MRPS25: variants seen among roughly 807,000 people sequenced by gnomAD.
The protein encoded by MRPS25 is mitochondrial ribosomal protein S25, also known as small ribosomal subunit protein mS25.
A neutral mutation model predicts 17.3 loss-of-function variants in MRPS25; 15 were observed. The ratio of observed to expected loss-of-function variants is 0.87; its 90% confidence interval spans 0.58 to 1.34. The LOEUF is 1.34. Among genes scored for constraint, MRPS25 ranks in the 40% most tolerant of loss-of-function variants. The pLI, the probability that MRPS25 is intolerant of heterozygous loss-of-function variation, is 0.00. For missense variants in MRPS25, 225 were observed against 218.6 expected, an observed-to-expected ratio of 1.03 and a Z score of -0.19; for synonymous variants, 94 against 83.3, an observed-to-expected ratio of 1.13 and a Z score of -0.70.
chr3:15,043,085 T>C (rs1035756093), downstream of MRPS25: 10 of 1,406,966 alleles, frequency 7.1e-6, no homozygotes, highest in Non-Finnish European at 9.6e-6. Flanking sequence ...AGTGGTATTT[T>C]GGTATGTGCA....
chr3:15,058,091 G>C (rs1404555549), intron 2 of MRPS25, among the ~76,000 whole-genome samples: 2 of 152,092 alleles, frequency 1.3e-5, no homozygotes, highest in African/African-American at 4.8e-5. Flanking sequence ...GCCCATGTTG[G>C]TCTCGAACTC....
At chr3:15,056,070 A>G (rs1227359251) in intron 2 of MRPS25, among the ~76,000 whole-genome samples, 4 of 151,990 alleles carry the variant, frequency 2.6e-5, no homozygotes, top group Non-Finnish European at 5.9e-5. Context: ...AAAATTAGCC[A>G]GGCGTGGTGT....
downstream of MRPS25, chr3:15,042,876 G>A (rs751428558): frequency 3.7e-6 from 6 of 1,614,024 alleles, no homozygotes; most frequent in African/African-American, 5.3e-5. Context: ...TCAGGCTGAT[G>A]AGCTCCAACA....
At position 15,051,499 on chromosome 3, in the gene MRPS25, T is replaced by G. The variant is rs1320573429; in HGVS notation, c.*942A>C. Reference sequence around the variant, plus strand: ...CACCCAGCCTAGCTAAACCTATTCTTAAGGTGACCCTAGAAGGCTCTGCTG... The same window carrying G: ...CACCCAGCCTAGCTAAACCTATTCTGAAGGTGACCCTAGAAGGCTCTGCTG... On this transcript the variant is annotated 3_prime_UTR_variant, in exon 4 of 4. Coordinates refer to ENST00000253686, the MANE Select transcript of MRPS25 (RefSeq NM_022497.5). 2 of 985,238 alleles carry G rather than the reference T, an allele frequency of 2.0e-6. No homozygotes were observed. Among genetic ancestry groups the G allele is most frequent in the Admixed American group, 6.2e-5 (1 of 16,258 alleles). The allele number at this position is 985,238 out of a possible 1,614,324, so 61.0% of individuals were successfully genotyped here.
chr3:15,042,924 T>C (rs1350487925), downstream of MRPS25: 1 of 1,614,220 alleles, frequency 6.2e-7, no homozygotes, highest in South Asian at 1.1e-5. Flanking sequence ...TCATTGGCAA[T>C]GTTTCGATAG....
At chr3:15,061,053 TCA>T (rs1359234066) in intron 1 of MRPS25, among the ~76,000 whole-genome samples, 2 of 152,064 alleles carry the variant, frequency 1.3e-5, no homozygotes, top group African/African-American at 4.8e-5. Flanking sequence ...TATCCCAGTG[TCA>T]CAGAACTTTT....
chr3:15,059,597 C>G, intron 1 of MRPS25, 122 bp from the exon 2 acceptor site: 1 of 729,142 alleles, frequency 1.4e-6, no homozygotes, highest in East Asian at 2.8e-5. Flanking sequence ...CCCAAAAAGG[C>G]TGAGAAAAAA....
chr3:15,046,431 G>A (rs757568142), downstream of MRPS25: 1 of 152,240 alleles, frequency 6.6e-6, no homozygotes, highest in Non-Finnish European at 1.5e-5. Context: ...TTGGGGGATA[G>A]TTACGGCAAG....
At chr3:15,063,362 C>T (rs1030561340) in intron 1 of MRPS25, among the ~76,000 whole-genome samples, 2 of 152,140 alleles carry the variant, frequency 1.3e-5, no homozygotes, top group African/African-American at 2.4e-5. Context: ...CTTCCCATTG[C>T]CCCCAGCAGG....
chr3:15,056,996 CT>C (rs897628050), intron 2 of MRPS25, among the ~76,000 whole-genome samples: 5 of 152,328 alleles, frequency 3.3e-5, no homozygotes, highest in African/African-American at 1.2e-4. Context: ...CTGAATGCCT[CT>C]GTCCACAGAT....
chr3:15,042,985 C>G (rs775685374), downstream of MRPS25: 4 of 1,614,056 alleles, frequency 2.5e-6, no homozygotes, highest in East Asian at 8.9e-5. Flanking sequence ...GTATAATGGC[C>G]AGATCACCGG....
rs1447701747 is a variant in MRPS25 at position 15,053,351 on chromosome 3, T to C, written c.329+29A>G. 5.0e-6 allele frequency: 8 copies of C among 1,614,032 alleles called. No individual in the cohort carries two copies. The East Asian group carries it at 1.8e-4, about 36-fold the overall frequency. On this transcript the variant is annotated intron_variant, in intron 3 of 3. Coordinates refer to ENST00000253686, the MANE Select transcript of MRPS25 (RefSeq NM_022497.5). The stretch of plus-strand genomic sequence containing the variant: ...CAAATTCTCTGGGCTGAGAAGTTTG[T>C]TCCTTCCAGGTCAAACCAAACAACT...
rs535171973 is a variant in MRPS25, at chr3:15,049,644, A to T, written c.*2797T>A. On this transcript the variant is annotated 3_prime_UTR_variant, in exon 4 of 4. Coordinates refer to ENST00000253686, the MANE Select transcript of MRPS25 (RefSeq NM_022497.5). The stretch of plus-strand genomic sequence containing the variant: ...AGCTTATTCTCTAAGGATACGTGCT[A>T]TCAAGGGCAAAAACAAGCTCCAAAA... 2.1e-3 allele frequency: 1,130 copies of T among 531,076 alleles called. 2 individuals carry two copies. Among genetic ancestry groups the T allele is most frequent in the Non-Finnish European group, 3.0e-3 (933 of 306,508 alleles). The allele number at this position is 531,076 out of a possible 1,614,324, so 32.9% of individuals were successfully genotyped here.
At chr3:15,055,322 T>A (rs796556023) in intron 2 of MRPS25, among the ~76,000 whole-genome samples, 10 of 152,310 alleles carry the variant, frequency 6.6e-5, no homozygotes, top group African/African-American at 2.2e-4. Flanking sequence ...CATCAATGAA[T>A]AAACATTTAA....
At chr3:15,063,438 G>A (rs950543031) in intron 1 of MRPS25, among the ~76,000 whole-genome samples, 1 of 152,274 alleles carries the variant, frequency 6.6e-6, no homozygotes, top group East Asian at 1.9e-4. Context: ...TGGGGCAGCT[G>A]AAGGGCTGAG....
chr3:15,058,229 G>A (rs182079211), intron 2 of MRPS25, among the ~76,000 whole-genome samples: 5 of 151,102 alleles, frequency 3.3e-5, no homozygotes, highest in East Asian at 2.0e-4. Context: ...TTGCTCTGCC[G>A]CCCAGGCTGG....
rs1192432123 is a variant in MRPS25 at position 15,059,395 on chromosome 3, G to A, written c.215C>T (p.Pro72Leu). The A allele has an allele frequency of 7.4e-6, 12 of 1,613,128 alleles. No homozygotes were observed. The highest frequency in any genetic ancestry group is 1.0e-5 in the Non-Finnish European group (12 of 1,179,428). ...VQIMMFKNMT[P>L]SPFLRFYLDS... ...TAAGTAGAATCGCAGGAAGGGTGAC[G>A]GCGTCATGTTCTTAAACATCATGAT... Residue 72 changes from proline to leucine, a missense_variant, in exon 2 of 4, where the codon CCG becomes CTG. Transcript: ENST00000253686.
chr3:15,058,898 C>G (rs369994828), intron 2 of MRPS25, among the ~76,000 whole-genome samples: 34 of 152,062 alleles, frequency 2.2e-4, no homozygotes, highest in African/African-American at 7.0e-4. Context: ...CGTGTAAGTG[C>G]ACGCAGTCCT....
chr3:15,044,581 TG>T (rs1453047952), downstream of MRPS25: 1 of 152,258 alleles, frequency 6.6e-6, no homozygotes, highest in Non-Finnish European at 1.5e-5. Flanking sequence ...CTTTGTCTTT[TG>T]CTTTTTAAAT....
Sources: allele counts gnomAD v4.1 joint callset (sites outside exome capture counted in the v4.1 genomes callset), GRCh38; gene constraint gnomAD v4.1.1; transcripts MANE v1.5; gene names NCBI Gene and HGNC (gene_info 2026-07-23, HGNC 2026-07-21).